Variants in SHANK2 observed in about 807,000 individuals in gnomAD.
SHANK2 encodes the protein SH3 and multiple ankyrin repeat domains 2.
In SHANK2, 43 loss-of-function variants were observed where a neutral mutation model predicts 133.7. That is an observed-to-expected ratio of 0.32 (90% CI 0.25 to 0.41). SHANK2 has a LOEUF of 0.41. Ranked by LOEUF, SHANK2 falls within the 10% of genes least tolerant of loss-of-function variation. The pLI is 1.00. For synonymous variants in SHANK2, 1,017 were observed against 952.8 expected, an observed-to-expected ratio of 1.07 and a Z score of -1.24; for missense variants, 1,994 against 2,235.8, an observed-to-expected ratio of 0.89 and a Z score of 2.18.
intron 6 of SHANK2, among the ~76,000 whole-genome samples, chr11:71,096,351 T>A (rs1951612207): frequency 6.6e-6 from 1 of 152,190 alleles, no homozygotes; most frequent in East Asian, 1.9e-4. Context: ...TGAGACCAGT[T>A]GGAACATGGC....
At chr11:70,878,384 T>C (rs1226115678) in intron 11 of SHANK2, among the ~76,000 whole-genome samples, 1 of 152,012 alleles carries the variant, frequency 6.6e-6, no homozygotes, top group African/African-American at 2.4e-5. Context: ...AGGGAGAAAA[T>C]TCGGAACAAA....
At chr11:70,686,402 T>A (rs1310250900) in intron 15 of SHANK2, among the ~76,000 whole-genome samples, 2 of 149,074 alleles carry the variant, frequency 1.3e-5, no homozygotes, top group Non-Finnish European at 3.0e-5. Context: ...TCCTTCCATC[T>A]ATCCATCATC....
intron 1 of SHANK2, among the ~76,000 whole-genome samples, chr11:71,242,692 G>A (rs1954911250): frequency 6.6e-6 from 1 of 152,178 alleles, no homozygotes; most frequent in Non-Finnish European, 1.5e-5. Context: ...AGAAATATTT[G>A]TCTGTCTGGT....
At chr11:70,545,131 A>G (rs1591560137) in intron 17 of SHANK2, among the ~76,000 whole-genome samples, 1 of 152,034 alleles carries the variant, frequency 6.6e-6, no homozygotes, top group South Asian at 2.1e-4. Context: ...CCCGATCACC[A>G]CCCCAGTCCT....
chr11:70,547,742 T>G (rs1554976655), intron 17 of SHANK2, among the ~76,000 whole-genome samples: 2 of 152,186 alleles, frequency 1.3e-5, no homozygotes, highest in African/African-American at 4.8e-5. Flanking sequence ...ATAGCTGACT[T>G]GAAAGGCTGA....
chr11:70,604,583 T>G (rs7939551), intron 17 of SHANK2: 1 of 152,070 alleles, frequency 6.6e-6, no homozygotes, highest in Non-Finnish European at 1.5e-5. Flanking sequence ...GTGGTTGCTG[T>G]GTAGAGACAA....
intron 10 of SHANK2, among the ~76,000 whole-genome samples, chr11:70,906,703 A>G (rs1437456547): frequency 6.6e-6 from 1 of 152,168 alleles, no homozygotes. Context: ...TCCTGTGGCA[A>G]CTCAGGAAGC....
At chr11:70,918,040 T>G (rs1326527375) in intron 10 of SHANK2, among the ~76,000 whole-genome samples, 30 of 152,144 alleles carry the variant, frequency 2.0e-4, no homozygotes, top group Non-Finnish European at 3.5e-4. Context: ...TTTTTTTTTT[T>G]TTTTAAATAA....
chr11:70,501,997 A>C, intron 19 of SHANK2, 66 bp from the exon 20 acceptor site: 1 of 1,515,060 alleles, frequency 6.6e-7, no homozygotes, highest in African/African-American at 1.4e-5. Context: ...GAAAGGCAGG[A>C]CTAGCAACAA....
At chr11:71,081,617 C>T (rs963135858) in intron 8 of SHANK2, among the ~76,000 whole-genome samples, 1 of 152,172 alleles carries the variant, frequency 6.6e-6, no homozygotes, top group African/African-American at 2.4e-5. Flanking sequence ...CCCCGCATGT[C>T]CCTGAAGAGT....
At chr11:71,116,775 GCCCTCC>G (rs1223237867) in intron 4 of SHANK2, among the ~76,000 whole-genome samples, 2 of 152,160 alleles carry the variant, frequency 1.3e-5, no homozygotes, top group African/African-American at 4.8e-5. Flanking sequence ...ATGGCCTGGA[GCCCTCC>G]CCATGGTAGT....
At chr11:71,233,533 T>C (rs561265026) in intron 1 of SHANK2, among the ~76,000 whole-genome samples, 21 of 152,284 alleles carry the variant, frequency 1.4e-4, no homozygotes, top group African/African-American at 5.1e-4. Flanking sequence ...GGAATAAACA[T>C]GTTCCTAAAT....
rs559090727 is a variant in SHANK2, at chr11:70,762,890, G to C, written c.1777+35553C>G. ...GGCCTTGTTAGAGAAGCTCAGAATG[G>C]AGGCGGGAGAGATGCTGTCACTTTT... is the stretch of plus-strand genomic sequence containing the variant. On this transcript the variant is annotated intron_variant, in intron 14 of 25. Transcript: ENST00000601538. Among the ~76,000 whole-genome samples, 15 of 152,354 alleles carry C rather than the reference G, an allele frequency of 9.8e-5. No individual in the cohort carries two copies. In the South Asian group the frequency reaches 1.7e-3, roughly 17 times the overall value.
chr11:70,580,045 C>A (rs1236177874), intron 17 of SHANK2, among the ~76,000 whole-genome samples: 1 of 152,220 alleles, frequency 6.6e-6, no homozygotes, highest in Non-Finnish European at 1.5e-5. Flanking sequence ...CTGGCTTTCA[C>A]AACGCTAAGA....
At chr11:70,581,483 G>T (rs2060184705) in intron 17 of SHANK2, among the ~76,000 whole-genome samples, 1 of 152,156 alleles carries the variant, frequency 6.6e-6, no homozygotes, top group African/African-American at 2.4e-5. Flanking sequence ...TCGAGGTTGG[G>T]AGTTTGAGAC....
intron 14 of SHANK2, among the ~76,000 whole-genome samples, chr11:70,727,509 G>T (rs1946201348): frequency 6.6e-6 from 1 of 152,118 alleles, no homozygotes; most frequent in Admixed American, 6.5e-5. Context: ...GTAGAGCAGG[G>T]GTATCCTAGG....
At chr11:70,758,478 T>C (rs1946921422) in intron 14 of SHANK2, among the ~76,000 whole-genome samples, 2 of 152,240 alleles carry the variant, frequency 1.3e-5, no homozygotes, top group South Asian at 2.1e-4. Context: ...AGGCTCGCCA[T>C]TGTTCCTGCG....
chr11:70,615,214 T>C (rs1554995547), intron 17 of SHANK2, among the ~76,000 whole-genome samples: 1 of 152,108 alleles, frequency 6.6e-6, no homozygotes, highest in East Asian at 1.9e-4. Flanking sequence ...GAACATTGCC[T>C]ATACACCTCT....
chr11:71,119,905 G>A lies in SHANK2; in HGVS notation c.208-873C>T, dbSNP rs192180212. 1.7e-3 allele frequency among the ~76,000 whole-genome samples: 256 copies of A among 152,130 alleles called. 1 individual carries two copies. Among genetic ancestry groups the A allele is most frequent in the African/African-American group, 5.6e-3 (232 of 41,512 alleles). ...GATCGTTCTTTAGCATTTCAGATTC[G>A]GTGGAAGCCTTGTCTTATAACCACA... On this transcript the variant is annotated intron_variant, in intron 3 of 25. Coordinates refer to ENST00000601538, the MANE Select transcript of SHANK2 (RefSeq NM_012309.5).
Sources: allele counts gnomAD v4.1 joint callset (sites outside exome capture counted in the v4.1 genomes callset), GRCh38; gene constraint gnomAD v4.1.1; transcripts MANE v1.5; gene names NCBI Gene and HGNC (gene_info 2026-07-23, HGNC 2026-07-21).